Variants in ISM2 observed in about 807,000 individuals in gnomAD.
The protein encoded by ISM2 is isthmin-2.
A neutral mutation model predicts 58.0 loss-of-function variants in ISM2; 50 were observed. The observed-to-expected ratio is 0.86, with a 90% CI of 0.69 to 1.09. The LOEUF is 1.09. ISM2 is among the 50% of genes least tolerant of loss of function. The pLI is 0.00. For synonymous variants in ISM2, 303 were observed against 312.4 expected (o/e 0.97, Z 0.32); for missense variants, 723 against 745.0 (o/e 0.97, Z 0.34).
chr14:77,497,367 CAAAAAAAAAAA>C (rs35676781), intron 1 of ISM2, among the ~76,000 whole-genome samples: 2 of 64,764 alleles, frequency 3.1e-5, no homozygotes, highest in Non-Finnish European at 5.2e-5. Flanking sequence ...GGCTCTGTCT[CAAAAAAAAAAA>C]AAAAAAAAAA....
Position 77,491,941 on chromosome 14 carries a change from C to G in ISM2, c.141+6712G>C, listed in dbSNP as rs189267965. On this transcript the variant is annotated intron_variant, in intron 1 of 6. Coordinates refer to ENST00000342219, the MANE Select transcript of ISM2 (RefSeq NM_199296.3). ...GAACTCCTGACCTCAGGGGATCCGC[C>G]TGCCTCAGCCTCCCAAAGTGCTAGG... Among the ~76,000 whole-genome samples, 316 of 151,914 alleles carry G rather than the reference C, an allele frequency of 2.1e-3. 1 individual carries two copies. Among genetic ancestry groups the G allele is most frequent in the African/African-American group, 7.1e-3 (296 of 41,462 alleles).
Position 77,475,857 on chromosome 14 carries a change from C to T in ISM2, c.1454G>A (p.Ser485Asn), listed in dbSNP as rs2079094410. The T allele has an allele frequency of 6.2e-7, 1 of 1,609,266 alleles. No individual in the cohort carries two copies. Among genetic ancestry groups the T allele is most frequent in the Non-Finnish European group, 8.5e-7 (1 of 1,179,840 alleles). The stretch of plus-strand genomic sequence containing the variant: ...GCAGCAGTGCTGGGCGGCCAGTGTG[C>T]TGCTCTCCCCAGACAGCATGGAACG... The part of the protein sequence containing the change: ...CLRSMLSGES[S>N]TLAAQHCCYD... The change falls in exon 7 of 7, where the codon AGC becomes AAC. Residue 485 changes from serine (S) to asparagine (N), a missense_variant. Coordinates refer to ENST00000342219, the MANE Select transcript of ISM2 (RefSeq NM_199296.3). This position sits in a 1 kb window ranked among gnomAD's most constrained non-coding sequence, Gnocchi z 4.1.
intron 6 of ISM2, among the ~76,000 whole-genome samples, chr14:77,476,651 G>A (rs192751483): frequency 4.6e-5 from 7 of 152,210 alleles, no homozygotes; most frequent in East Asian, 1.9e-4. Context: ...CTCGGGAAAC[G>A]TGGCCTTTTT....
Position 77,478,251 on chromosome 14 carries a change from G to A in ISM2, c.1189C>T (p.His397Tyr). 6.2e-7 allele frequency: 1 copy of A among 1,613,950 alleles called. No homozygotes were observed. Among genetic ancestry groups the A allele is most frequent in the South Asian group, 1.1e-5 (1 of 91,078 alleles). Residue 397 changes from histidine (H) to tyrosine (Y), a missense_variant, in exon 6 of 7, where the codon CAT (histidine) becomes TAT (tyrosine). By Grantham distance (83) the His-to-Tyr change is moderately conservative (BLOSUM62 2). Transcript: ENST00000342219. Reference protein sequence around the residue: ...KLLARNATDMHDQDVDSCEKW... With the variant: ...KLLARNATDMYDQDVDSCEKW... ...CTAGCCCCTCACTCACCTTGATCAT[G>A]CATGTCCGTAGCATTGCGGGCCAGG...
chr14:77,484,585 G>C lies in ISM2; in HGVS notation c.385-20C>G. On this transcript the variant is annotated intron_variant, in intron 2 of 6. Coordinates refer to ENST00000342219, the MANE Select transcript of ISM2 (RefSeq NM_199296.3). ...TGAAGCCTGAGGAAGAGAGAGGGAAGGTGAGGTGACAGGTTAGGGCTTACC... is the reference window on the plus strand; with the variant it reads ...TGAAGCCTGAGGAAGAGAGAGGGAACGTGAGGTGACAGGTTAGGGCTTACC... 1 of 1,604,606 alleles carries C rather than the reference G, an allele frequency of 6.2e-7. No homozygotes were observed. The highest frequency in any genetic ancestry group is 8.5e-7 in the Non-Finnish European group (1 of 1,175,724).
In ISM2 at chr14:77,498,815, C is replaced by A; in HGVS notation, c.-22G>T. On this transcript the variant is annotated 5_prime_UTR_variant, in exon 1 of 7. Transcript: ENST00000342219. ...GCATCGTCTCGGTTCCGAGGCTGCT[C>A]TGCCTGCACCTCTGCACGCGGCCGC... is the stretch of plus-strand genomic sequence containing the variant. 1 of 1,367,344 alleles carries A rather than the reference C, an allele frequency of 7.3e-7. No individual in the cohort carries two copies. 84.7% of individuals were successfully genotyped at this position (1,367,344 alleles called of 1,614,324 possible).
At position 77,475,969 on chromosome 14, in the gene ISM2, G is replaced by C. The variant is rs759496677; in HGVS notation, c.1342C>G (p.His448Asp). 6.3e-7 allele frequency: 1 copy of C among 1,597,004 alleles called. No homozygotes were observed. The highest frequency in any genetic ancestry group is 1.1e-5 in the South Asian group (1 of 90,826). ...CTCCACCGGAAGCTGCGGCCCTGGT[G>C]CTCGTCCTGTAGGCTCACAGGGCTG... ...MDSPVSLQDE[H>D]QGRSFRWRDA... Residue 448 changes from histidine to aspartate, a missense_variant, in exon 7 of 7, where the codon CAC becomes GAC. His to Asp is a moderately conservative substitution (Grantham distance 81, BLOSUM62 -1). Coordinates refer to ENST00000342219, the MANE Select transcript of ISM2 (RefSeq NM_199296.3). The surrounding 1 kb of genome is among the most constrained non-coding windows in gnomAD (Gnocchi z 4.1).
At chr14:77,477,261 G>A (rs1692305450) in intron 6 of ISM2, among the ~76,000 whole-genome samples, 1 of 152,168 alleles carries the variant, frequency 6.6e-6, no homozygotes, top group African/African-American at 2.4e-5. Flanking sequence ...TGCCTGAGTG[G>A]ATGCTGTTAA....
At chr14:77,478,879 A>G (rs1566753296) in intron 4 of ISM2, among the ~76,000 whole-genome samples, 164 bp from the exon 5 acceptor site, 2 of 152,076 alleles carry the variant, frequency 1.3e-5, no homozygotes, top group African/African-American at 4.8e-5. Flanking sequence ...TGCTCCCTCA[A>G]CTGGATTCCC....
intron 1 of ISM2, among the ~76,000 whole-genome samples, chr14:77,490,945 G>A (rs555174806): frequency 1.7e-4 from 26 of 152,230 alleles, no homozygotes; most frequent in Non-Finnish European, 3.7e-4. Flanking sequence ...GCTAGCAGGT[G>A]AGGCCACAGG....
chr14:77,492,832 T>A (rs1400432321), intron 1 of ISM2, among the ~76,000 whole-genome samples: 1 of 152,028 alleles, frequency 6.6e-6, no homozygotes, highest in Non-Finnish European at 1.5e-5. Flanking sequence ...ACATAGCTAC[T>A]AAAAATACAA....
rs1450750337 is a variant in ISM2, at chr14:77,484,663, T to C, written c.384+14A>G. On this transcript the variant is annotated intron_variant, in intron 2 of 6. Transcript: ENST00000342219. ...GGCAGAGCCAGGAGCTGCTGGCCCTTCTGTAGCTCTCACCTGGGTATCAGG... is the reference window on the plus strand; with the variant it reads ...GGCAGAGCCAGGAGCTGCTGGCCCTCCTGTAGCTCTCACCTGGGTATCAGG... 6.3e-7 allele frequency: 1 copy of C among 1,597,010 alleles called. No individual in the cohort carries two copies. Among genetic ancestry groups the C allele is most frequent in the East Asian group, 2.3e-5 (1 of 43,926 alleles).
At chr14:77,480,302 CA>C (rs34339320) in intron 4 of ISM2, among the ~76,000 whole-genome samples, 314 of 123,390 alleles carry the variant, frequency 2.5e-3, no homozygotes, top group Middle Eastern at 3.9e-3. Context: ...GACACTGTCT[CA>C]AAAAAAAAAA....
intron 1 of ISM2, among the ~76,000 whole-genome samples, chr14:77,491,819 C>A (rs953335080): frequency 9.9e-5 from 15 of 151,424 alleles, no homozygotes; most frequent in African/African-American, 3.4e-4. Flanking sequence ...CCTCAGCCTC[C>A]CGAGTAGCTG....
rs1166282040 is a variant in ISM2 at position 77,498,795 on chromosome 14, G to A, written c.-2C>T. ...GGCTCGGTCGCGGAGCGCACGCATC[G>A]TCTCGGTTCCGAGGCTGCTCTGCCT... is the stretch of plus-strand genomic sequence containing the variant. On this transcript the variant is annotated 5_prime_UTR_variant, in exon 1 of 7. In the 5' UTR this introduces an upstream ATG that the reference lacks. Coordinates refer to ENST00000342219, the MANE Select transcript of ISM2 (RefSeq NM_199296.3). 9.8e-6 allele frequency: 14 copies of A among 1,431,598 alleles called. No homozygotes were observed. The highest frequency in any genetic ancestry group is 3.0e-5 in the African/African-American group (2 of 66,666). 88.7% of individuals were successfully genotyped at this position (1,431,598 alleles called of 1,614,324 possible). A position where few individuals can be genotyped will look rare whatever the true frequency, so the allele number is the denominator to read the frequency against.
chr14:77,498,594 G>C, intron 1 of ISM2, 59 bp downstream of exon 1: 1 of 1,396,124 alleles, frequency 7.2e-7, no homozygotes, highest in Non-Finnish European at 9.2e-7. Flanking sequence ...GCTGGAGCCG[G>C]CGGGCTGGGG....
chr14:77,488,889 C>T (rs998003654), intron 1 of ISM2, among the ~76,000 whole-genome samples: 15 of 152,142 alleles, frequency 9.9e-5, no homozygotes, highest in African/African-American at 3.4e-4. Flanking sequence ...TGAAGAACTC[C>T]AGTCCTGTCT....
chr14:77,478,510 G>C (rs2079111925), intron 5 of ISM2, 65 bp downstream of exon 5: 4 of 1,577,004 alleles, frequency 2.5e-6, no homozygotes, highest in Non-Finnish European at 3.5e-6. Flanking sequence ...CACATTCCCA[G>C]GGGACCAAGC....
At chr14:77,476,409 T>C (rs1002408762) in intron 6 of ISM2, among the ~76,000 whole-genome samples, 1 of 152,220 alleles carries the variant, frequency 6.6e-6, no homozygotes, top group Non-Finnish European at 1.5e-5. Flanking sequence ...TTAGGTGTCA[T>C]GTGCTGAATG....
Sources: allele counts gnomAD v4.1 joint callset (sites outside exome capture counted in the v4.1 genomes callset), GRCh38; gene constraint gnomAD v4.1.1; non-coding constraint Gnocchi (gnomAD v3.1); transcripts MANE v1.5; gene names NCBI Gene and HGNC (gene_info 2026-07-23, HGNC 2026-07-21).